Variants in TBC1D2 observed in about 807,000 individuals in gnomAD.
TBC1D2 encodes TBC1 domain family member 2A.
In TBC1D2, 58 loss-of-function variants were observed where a neutral mutation model predicts 91.1. The ratio of observed to expected loss-of-function variants is 0.64; its 90% CI spans 0.52 to 0.79. TBC1D2 has a LOEUF of 0.79. Ranked by LOEUF, TBC1D2 falls within the 30% of genes least tolerant of loss-of-function variation. TBC1D2 has a pLI of 0.00. For synonymous variants in TBC1D2, 482 were observed against 511.5 expected (o/e 0.94, Z 0.78); for missense variants, 1,080 against 1,208.3 (o/e 0.89, Z 1.57).
At position 98,255,469 on chromosome 9, in the gene TBC1D2, G is replaced by T; in HGVS notation, c.73C>A (p.Pro25Thr). ...TCTTCCTCCGGAGGCGGCACCTGTG[G>T]ATCCCTGGCAGACTCTTCGGACCCA... ...APGSEESARD[P>T]QVPPPEEESG... The change falls in exon 1 of 13, where the codon CCA (proline) becomes ACA (threonine). Residue 25 changes from proline to threonine, a missense_variant. Physicochemically the swap from Pro to Thr is conservative, Grantham distance 38. Transcript: ENST00000465784. 1.9e-6 allele frequency: 3 copies of T among 1,588,872 alleles called. No individual in the cohort carries two copies. The South Asian group carries it at 3.5e-5, about 18-fold the overall frequency.
Position 98,246,554 on chromosome 9 carries a change from GAGA to G in TBC1D2, c.512-2428_512-2426del, listed in dbSNP as rs201394090. 1.8e-3 allele frequency among the ~76,000 whole-genome samples: 272 copies of G among 152,264 alleles called. 9 individuals carry two copies. In the East Asian group the frequency reaches 0.047, roughly 26 times the overall value. On this transcript the variant is annotated intron_variant, in intron 2 of 12. Transcript: ENST00000465784. ...GCTTGTGAGTGGGGCTGGAGAAAGT[GAGA>G]AGAATAAAAGCAGAAACTCAAAGCC...
In TBC1D2 at chr9:98,247,025, T is replaced by TAA. The variant is rs35136067; in HGVS notation, c.512-2898_512-2897dup. Among the ~76,000 whole-genome samples, 170 of 131,014 alleles carry TAA rather than the reference T, an allele frequency of 1.3e-3. 1 individual carries two copies. Among genetic ancestry groups the TAA allele is most frequent in the African/African-American group, 3.9e-3 (138 of 35,168 alleles). 86.0% of individuals were successfully genotyped at this position (131,014 alleles called of 152,430 possible). ...GTGTTGCGACCTGGTTGCAAATCAG[T>TAA]AAAAAAAAAAAAAAATCAAGGGCCG... On this transcript the variant is annotated intron_variant, in intron 2 of 12. Coordinates refer to ENST00000465784, the MANE Select transcript of TBC1D2 (RefSeq NM_001267571.2).
In TBC1D2 at chr9:98,229,167, G is replaced by A. The variant is rs979724399; in HGVS notation, c.782-19C>T. The A allele has an allele frequency of 5.0e-6, 8 of 1,612,054 alleles. No individual in the cohort carries two copies. The highest frequency in any genetic ancestry group is 3.3e-5 in the Admixed American group (2 of 59,930). ...TCTCTCCCTGCTCAAGAGGAGAAAC[G>A]CAGAAGTTATGACTGATGACATCAG... On this transcript the variant is annotated intron_variant, in intron 4 of 12. Transcript: ENST00000465784.
intron 5 of TBC1D2, among the ~76,000 whole-genome samples, chr9:98,224,097 G>A (rs1364533759): frequency 6.6e-6 from 1 of 151,864 alleles, no homozygotes; most frequent in East Asian, 1.9e-4. Context: ...CTACTCAGGA[G>A]GCTGAGGCAG....
Position 98,244,035 on chromosome 9 carries a change from G to A in TBC1D2, c.606C>T (p.Ala202=). 1 of 1,611,088 alleles carries A rather than the reference G, an allele frequency of 6.2e-7. No homozygotes were observed. Among genetic ancestry groups the A allele is most frequent in the South Asian group, 1.1e-5 (1 of 90,348 alleles). ...GVAAALQPFP[A]LQNISLKHLG... is the part of the protein sequence containing the mutation. The stretch of plus-strand genomic sequence containing the variant: ...GGTGCTTGAGGGAAATATTCTGAAG[G>A]GCAGGGAAGGGCTGCAAGGCAGCTG... The change falls in exon 3 of 13, where the codon GCC becomes GCT. Residue 202 remains alanine (A), a synonymous_variant. Transcript: ENST00000465784.
intron 9 of TBC1D2, among the ~76,000 whole-genome samples, chr9:98,207,600 A>T (rs1376681072): frequency 6.6e-6 from 1 of 152,182 alleles, no homozygotes; most frequent in Non-Finnish European, 1.5e-5. Flanking sequence ...TAGAACTGGA[A>T]CATGAGGGGT....
chr9:98,213,797 T>C (rs994290814), intron 6 of TBC1D2, among the ~76,000 whole-genome samples: 1 of 152,246 alleles, frequency 6.6e-6, no homozygotes, highest in Non-Finnish European at 1.5e-5. Flanking sequence ...ATAATCCTTT[T>C]CCTGTCATTT....
intron 5 of TBC1D2, among the ~76,000 whole-genome samples, chr9:98,223,257 C>T (rs1407188089): frequency 6.6e-6 from 1 of 152,164 alleles, no homozygotes; most frequent in Non-Finnish European, 1.5e-5. Flanking sequence ...GGTCGAGCAG[C>T]AGGTGGGAGA....
At chr9:98,248,626 A>G (rs970008524) in intron 2 of TBC1D2, among the ~76,000 whole-genome samples, 1 of 152,258 alleles carries the variant, frequency 6.6e-6, no homozygotes, top group East Asian at 1.9e-4. Flanking sequence ...GACCTAGGAC[A>G]GGTCTCTTGA....
At chr9:98,221,501 G>T (rs1195384574) in intron 5 of TBC1D2, among the ~76,000 whole-genome samples, 1 of 152,206 alleles carries the variant, frequency 6.6e-6, no homozygotes, top group Non-Finnish European at 1.5e-5. Context: ...TGAAAAGTGA[G>T]ATGGGCAGCT....
At chr9:98,199,609 G>C (rs1212318098) in intron 12 of TBC1D2, 21 bp from the exon 13 acceptor site, 2 of 1,612,768 alleles carry the variant, frequency 1.2e-6, no homozygotes, top group Non-Finnish European at 8.5e-7. Context: ...GGCACAATCA[G>C]CCCAGAGCAC....
At chr9:98,218,678 C>G (rs1408228380) in intron 6 of TBC1D2, among the ~76,000 whole-genome samples, 4 of 152,350 alleles carry the variant, frequency 2.6e-5, no homozygotes, top group Admixed American at 2.6e-4. Flanking sequence ...CTGGAGCCAC[C>G]TGGCTGATCT....
intron 2 of TBC1D2, among the ~76,000 whole-genome samples, chr9:98,249,771 T>C (rs561025901): frequency 6.6e-6 from 1 of 152,230 alleles, no homozygotes; most frequent in Admixed American, 6.5e-5. Context: ...TGCACAGACA[T>C]ATAGACATAG....
chr9:98,226,127 G>A (rs1829228197), intron 5 of TBC1D2, among the ~76,000 whole-genome samples: 2 of 152,220 alleles, frequency 1.3e-5, no homozygotes, highest in Admixed American at 1.3e-4. Context: ...CCCAGAAGTT[G>A]TGCTGGCTTT....
At chr9:98,232,654 C>G (rs957558049) in intron 4 of TBC1D2, among the ~76,000 whole-genome samples, 1 of 151,838 alleles carries the variant, frequency 6.6e-6, no homozygotes, top group Non-Finnish European at 1.5e-5. Context: ...ATTATAGACT[C>G]ACAGGAAGTT....
intron 2 of TBC1D2, among the ~76,000 whole-genome samples, chr9:98,244,659 CAAAAAAAAA>C (rs59871511): frequency 2.1e-5 from 1 of 46,890 alleles, no homozygotes; most frequent in African/African-American, 7.7e-5. Context: ...AACTCCGTCT[CAAAAAAAAA>C]AAAAAAAAAA....
At chr9:98,225,560 G>T (rs554605306) in intron 5 of TBC1D2, among the ~76,000 whole-genome samples, 1 of 152,306 alleles carries the variant, frequency 6.6e-6, no homozygotes, top group South Asian at 2.1e-4. Context: ...CCAGCTGCCT[G>T]CGCATGGGCA....
At chr9:98,226,349 G>T (rs931417064) in intron 5 of TBC1D2, among the ~76,000 whole-genome samples, 1 of 152,192 alleles carries the variant, frequency 6.6e-6, no homozygotes, top group Non-Finnish European at 1.5e-5. Flanking sequence ...TGCTTGTAGG[G>T]CAGGAAGAGA....
At chr9:98,249,035 C>T (rs911441443) in intron 2 of TBC1D2, among the ~76,000 whole-genome samples, 20 of 152,160 alleles carry the variant, frequency 1.3e-4, no homozygotes, top group Non-Finnish European at 2.4e-4. Context: ...TGGGAGCGGG[C>T]CGCTGCTTCC....
Sources: allele counts gnomAD v4.1 joint callset (sites outside exome capture counted in the v4.1 genomes callset), GRCh38; gene constraint gnomAD v4.1.1; transcripts MANE v1.5; gene names NCBI Gene and HGNC (gene_info 2026-07-23, HGNC 2026-07-21).